Variants in LAMA2 observed in about 807,000 individuals in gnomAD.
LAMA2 encodes laminin subunit alpha 2, also known as laminin subunit alpha-2.
A neutral mutation model predicts 364.8 loss-of-function variants in LAMA2; 269 were observed. That is an observed-to-expected ratio of 0.74 (90% CI 0.67 to 0.82). The LOEUF (loss-of-function observed/expected upper bound fraction) is 0.82, where lower values mean the gene tolerates loss of function less well. LAMA2 is among the 40% of genes least tolerant of loss of function. The pLI, the probability that LAMA2 is intolerant of heterozygous loss-of-function variation, is 0.00. For missense variants in LAMA2, 3,807 were observed against 3,873.2 expected (o/e 0.98, Z 0.45); for synonymous variants, 1,379 against 1,370.6 (o/e 1.01, Z -0.14).
chr6:129,160,973 ATG>A, intron 8 of LAMA2, among the ~76,000 whole-genome samples: 1 of 152,112 alleles, frequency 6.6e-6, no homozygotes, highest in Non-Finnish European at 1.5e-5. Context: ...AAACAAATAA[ATG>A]TGGATTTTTC....
At chr6:128,953,705 A>G (rs1780980196) in intron 1 of LAMA2, among the ~76,000 whole-genome samples, 1 of 151,900 alleles carries the variant, frequency 6.6e-6, no homozygotes, top group Non-Finnish European at 1.5e-5. Context: ...TAGCTTATCA[A>G]TATATTATAA....
At chr6:129,016,186 C>T (rs961056918) in intron 1 of LAMA2, among the ~76,000 whole-genome samples, 2 of 151,948 alleles carry the variant, frequency 1.3e-5, no homozygotes, top group African/African-American at 4.8e-5. Flanking sequence ...GAATACCAAA[C>T]GGGGCCAAAT....
chr6:129,378,726 AC>A (rs1336317742), intron 34 of LAMA2, among the ~76,000 whole-genome samples: 2 of 152,162 alleles, frequency 1.3e-5, no homozygotes, highest in African/African-American at 2.4e-5. Context: ...AGTCTGTGAG[AC>A]AAAAAAAAAG....
At chr6:129,190,553 T>C (rs542961489) in intron 11 of LAMA2, among the ~76,000 whole-genome samples, 1 of 152,304 alleles carries the variant, frequency 6.6e-6, no homozygotes, top group East Asian at 1.9e-4. Context: ...CTGGAATTTC[T>C]TAGAATAGGT....
At chr6:129,163,117 T>C (rs995164627) in intron 8 of LAMA2, among the ~76,000 whole-genome samples, 21 of 152,186 alleles carry the variant, frequency 1.4e-4, no homozygotes, top group African/African-American at 4.8e-4. Flanking sequence ...TTATTTTTAC[T>C]TATTTTTTTT....
intron 30 of LAMA2, among the ~76,000 whole-genome samples, chr6:129,345,325 C>A (rs1303655472): frequency 1.3e-5 from 2 of 152,084 alleles, no homozygotes; most frequent in African/African-American, 4.8e-5. Context: ...ATTTTGTTAT[C>A]AACAGGGTAG....
intron 1 of LAMA2, among the ~76,000 whole-genome samples, chr6:128,917,826 C>CA (rs1256489005): frequency 6.8e-6 from 1 of 146,376 alleles, no homozygotes; most frequent in African/African-American, 2.5e-5. Flanking sequence ...CTTGACATCT[C>CA]AGTTTCAAGT....
chr6:129,118,875 A>G (rs1157069290), intron 4 of LAMA2, among the ~76,000 whole-genome samples: 1 of 152,230 alleles, frequency 6.6e-6, no homozygotes, highest in Non-Finnish European at 1.5e-5. Flanking sequence ...CTCCTTATCC[A>G]TGATGTGTAA....
chr6:129,314,324 G>C (rs576423872), intron 23 of LAMA2, among the ~76,000 whole-genome samples: 1 of 150,804 alleles, frequency 6.6e-6, no homozygotes, highest in Non-Finnish European at 1.5e-5. Flanking sequence ...GTGTGAACCT[G>C]GGAGGCGGAG....
At chr6:129,308,637 C>CA (rs375997130) in intron 22 of LAMA2, among the ~76,000 whole-genome samples, 133 of 148,818 alleles carry the variant, frequency 8.9e-4, no homozygotes, top group African/African-American at 2.6e-3. Context: ...TGAAGAATTA[C>CA]AAAAAAAAAC....
intron 3 of LAMA2, among the ~76,000 whole-genome samples, chr6:129,090,173 T>G (rs1433326776): frequency 6.6e-6 from 1 of 152,192 alleles, no homozygotes; most frequent in Non-Finnish European, 1.5e-5. Context: ...CACAAAAGTA[T>G]AGAGAATACC....
intron 35 of LAMA2, among the ~76,000 whole-genome samples, 194 bp downstream of exon 35, chr6:129,383,427 C>G (rs764316571): frequency 1.8e-4 from 27 of 152,156 alleles, no homozygotes; most frequent in African/African-American, 6.0e-4. Context: ...GTTAAATTAG[C>G]GACAATAGTG....
chr6:128,896,685 T>C (rs1776796437), intron 1 of LAMA2, among the ~76,000 whole-genome samples: 2 of 152,212 alleles, frequency 1.3e-5, no homozygotes, highest in African/African-American at 4.8e-5. Context: ...ATTCTAAATG[T>C]TTTTTAGAAA....
intron 30 of LAMA2, among the ~76,000 whole-genome samples, chr6:129,345,256 A>G (rs1776481815): frequency 6.6e-6 from 1 of 152,276 alleles, no homozygotes; most frequent in Middle Eastern, 3.4e-3. Flanking sequence ...TCTATTGAAC[A>G]TGCCTGGGCT....
chr6:129,119,752 G>C (rs1187920106), intron 4 of LAMA2, among the ~76,000 whole-genome samples: 1 of 152,072 alleles, frequency 6.6e-6, no homozygotes, highest in South Asian at 2.1e-4. Flanking sequence ...GTTTCACCGT[G>C]TTAGCCAGGA....
intron 9 of LAMA2, among the ~76,000 whole-genome samples, chr6:129,171,040 C>T (rs1780112326): frequency 1.3e-5 from 2 of 151,910 alleles, no homozygotes; most frequent in Non-Finnish European, 1.5e-5. Flanking sequence ...GATCTTCCTC[C>T]ATCCTTTTAT....
intron 7 of LAMA2, among the ~76,000 whole-genome samples, chr6:129,151,497 G>T (rs935715505): frequency 6.6e-6 from 1 of 152,098 alleles, no homozygotes; most frequent in Admixed American, 6.6e-5. Context: ...AGGCCAGCCT[G>T]GGCCACATAG....
intron 3 of LAMA2, among the ~76,000 whole-genome samples, chr6:129,089,077 C>T (rs887867455): frequency 2.6e-5 from 4 of 152,184 alleles, no homozygotes; most frequent in Admixed American, 6.5e-5. Context: ...CTCGGGAGGC[C>T]GAGGCTGGCA....
At chr6:129,283,453 T>C (rs1238038629) in intron 18 of LAMA2, among the ~76,000 whole-genome samples, 3 of 151,818 alleles carry the variant, frequency 2.0e-5, no homozygotes, top group Non-Finnish European at 2.9e-5. Context: ...ATCTGGTGGA[T>C]TCTATAGGAC....
Sources: allele counts gnomAD v4.1 joint callset (sites outside exome capture counted in the v4.1 genomes callset), GRCh38; gene constraint gnomAD v4.1.1; transcripts MANE v1.5; gene names NCBI Gene and HGNC (gene_info 2026-07-23, HGNC 2026-07-21).